Variants in VWC2 observed in about 807,000 individuals in gnomAD.
The protein encoded by VWC2 is brorin.
A neutral mutation model predicts 29.8 loss-of-function variants in VWC2; 14 were observed. The ratio of observed to expected loss-of-function variants is 0.47; its 90% CI spans 0.31 to 0.74. The LOEUF (loss-of-function observed/expected upper bound fraction) is 0.74, where lower values mean the gene tolerates loss of function less well. VWC2 is among the 30% of genes least tolerant of loss of function. The pLI, the probability that VWC2 is intolerant of heterozygous loss-of-function variation, is 0.05. For synonymous variants in VWC2, 213 were observed against 199.0 expected (o/e 1.07, Z -0.59); for missense variants, 457 against 459.8 (o/e 0.99, Z 0.05).
At position 49,915,118 on chromosome 7, in the gene VWC2, T is replaced by C. The variant is rs1464307445; in HGVS notation, c.*2933T>C. Reference sequence around the variant, plus strand: ...CAAGTTAAATTCATTCTTTCAGTGATAGGATATTTACTTGTTGGGTGGATT... The same window carrying C: ...CAAGTTAAATTCATTCTTTCAGTGACAGGATATTTACTTGTTGGGTGGATT... On this transcript the variant is annotated 3_prime_UTR_variant, in exon 4 of 4. Transcript: ENST00000340652. The C allele has an allele frequency of 1.3e-5, 2 of 152,236 alleles. No individual in the cohort carries two copies. The highest frequency in any genetic ancestry group is 2.9e-5 in the Non-Finnish European group (2 of 68,040). 9.4% of individuals were successfully genotyped at this position (152,236 alleles called of 1,614,324 possible).
intron 3 of VWC2, among the ~76,000 whole-genome samples, chr7:49,824,386 C>G (rs1423834819): frequency 1.3e-5 from 2 of 152,174 alleles, no homozygotes; most frequent in African/African-American, 4.8e-5. Context: ...ATCAATTCAC[C>G]ATATGTGGGG....
At chr7:49,786,843 TTGC>T (rs1788311622) in intron 2 of VWC2, among the ~76,000 whole-genome samples, 1 of 152,234 alleles carries the variant, frequency 6.6e-6, no homozygotes, top group Non-Finnish European at 1.5e-5. Context: ...TGTTATTTGT[TTGC>T]TGATTTGTTT....
intron 3 of VWC2, among the ~76,000 whole-genome samples, chr7:49,861,721 G>A (rs559659673): frequency 6.6e-6 from 1 of 152,174 alleles, no homozygotes; most frequent in Non-Finnish European, 1.5e-5. Flanking sequence ...TGGCTTTCTA[G>A]TTGTCCCAGC....
chr7:49,824,646 C>G (rs1789350696), intron 3 of VWC2, among the ~76,000 whole-genome samples: 1 of 152,114 alleles, frequency 6.6e-6, no homozygotes, highest in Admixed American at 6.5e-5. Flanking sequence ...TTTGGAAAAA[C>G]AGACATCTTA....
At chr7:49,840,848 T>C (rs566382) in intron 3 of VWC2, among the ~76,000 whole-genome samples, 134,348 of 152,112 alleles carry the variant, frequency 0.88, 59,726 homozygotes, top group East Asian at 0.94. Context: ...TCTCCATCCT[T>C]TCTCTGACCC....
chr7:49,775,338 G>A lies in VWC2; in HGVS notation c.-98G>A. 1.0e-6 allele frequency: 1 copy of A among 989,658 alleles called. No homozygotes were observed. Among genetic ancestry groups the A allele is most frequent in the African/African-American group, 1.7e-5 (1 of 58,404 alleles). 61.3% of individuals were successfully genotyped at this position (989,658 alleles called of 1,614,324 possible). Reference sequence around the variant, plus strand: ...TGCTGCTGTTCTCTCCGCAGGGACGGCGGCTCCCGGCTGGCGGCGGCGCGC... The same window carrying A: ...TGCTGCTGTTCTCTCCGCAGGGACGACGGCTCCCGGCTGGCGGCGGCGCGC... On this transcript the variant is annotated 5_prime_UTR_variant, in exon 2 of 4. Coordinates refer to ENST00000340652, the MANE Select transcript of VWC2 (RefSeq NM_198570.5).
chr7:49,776,970 C>A (rs1788068304), intron 2 of VWC2, among the ~76,000 whole-genome samples: 1 of 152,174 alleles, frequency 6.6e-6, no homozygotes. Context: ...GGTTTTTAAC[C>A]CTTATACTCT....
At chr7:49,852,571 G>T (rs929024216) in intron 3 of VWC2, among the ~76,000 whole-genome samples, 5 of 151,898 alleles carry the variant, frequency 3.3e-5, no homozygotes, top group Admixed American at 2.0e-4. Context: ...CTATTTAGTG[G>T]TTTTTCCTGT....
chr7:49,807,603 A>G (rs1199342287), intron 3 of VWC2, among the ~76,000 whole-genome samples: 1 of 152,188 alleles, frequency 6.6e-6, no homozygotes, highest in African/African-American at 2.4e-5. Flanking sequence ...CATGATTGCT[A>G]CCTCACATTT....
chr7:49,829,896 C>A (rs572510430), intron 3 of VWC2, among the ~76,000 whole-genome samples: 43 of 152,340 alleles, frequency 2.8e-4, no homozygotes, highest in African/African-American at 1.0e-3. Context: ...TTATCTGCTA[C>A]CTGGAAGCAG....
intron 3 of VWC2, among the ~76,000 whole-genome samples, chr7:49,900,516 AT>A (rs1311333235): frequency 1.3e-5 from 2 of 151,812 alleles, no homozygotes; most frequent in Admixed American, 6.6e-5. Flanking sequence ...TAATAAAAAA[AT>A]ACTACAAACA....
chr7:49,782,330 C>A (rs1290640606), intron 2 of VWC2, among the ~76,000 whole-genome samples: 1 of 152,064 alleles, frequency 6.6e-6, no homozygotes, highest in Non-Finnish European at 1.5e-5. Flanking sequence ...AAATTAGTGC[C>A]CCCTCCAAAA....
intron 3 of VWC2, among the ~76,000 whole-genome samples, chr7:49,843,000 G>T (rs1789834590): frequency 6.6e-6 from 1 of 152,104 alleles, no homozygotes; most frequent in Non-Finnish European, 1.5e-5. Flanking sequence ...CTCATAGTGA[G>T]CTCATGAACT....
chr7:49,884,842 G>A (rs1791827133), intron 3 of VWC2, among the ~76,000 whole-genome samples: 2 of 152,054 alleles, frequency 1.3e-5, no homozygotes, highest in Admixed American at 1.3e-4. Flanking sequence ...GACGTCAATA[G>A]TTAATCAAAA....
chr7:49,868,810 G>C (rs1257535515), intron 3 of VWC2, among the ~76,000 whole-genome samples: 2 of 152,124 alleles, frequency 1.3e-5, no homozygotes, highest in Non-Finnish European at 2.9e-5. Context: ...GTAGAGACAA[G>C]GTTTCACCAT....
chr7:49,792,411 G>T (rs1237941821), intron 2 of VWC2, among the ~76,000 whole-genome samples: 1 of 152,204 alleles, frequency 6.6e-6, no homozygotes, highest in Non-Finnish European at 1.5e-5. Flanking sequence ...CATTTACGCT[G>T]CACTAGACAC....
chr7:49,809,009 A>C (rs980057078), intron 3 of VWC2, among the ~76,000 whole-genome samples: 1 of 152,010 alleles, frequency 6.6e-6, no homozygotes, highest in African/African-American at 2.4e-5. Context: ...AAAAGCATGC[A>C]GAAGGAACTC....
chr7:49,858,395 G>A (rs1790510892), intron 3 of VWC2, among the ~76,000 whole-genome samples: 1 of 152,104 alleles, frequency 6.6e-6, no homozygotes, highest in Non-Finnish European at 1.5e-5. Context: ...ATGAGTTCAT[G>A]TCCTTTGTAG....
rs1231812778 is a variant in VWC2, at chr7:49,842,817, A to C, written c.826+39977A>C. On this transcript the variant is annotated intron_variant, in intron 3 of 3. Coordinates refer to ENST00000340652, the MANE Select transcript of VWC2 (RefSeq NM_198570.5). Reference sequence around the variant, plus strand: ...TCTAGAAGGTGGCCAGATTCTGTAGAAAAGAAGTGTGTTTACTCATGCTTT... The same window carrying C: ...TCTAGAAGGTGGCCAGATTCTGTAGCAAAGAAGTGTGTTTACTCATGCTTT... Among the ~76,000 whole-genome samples, 5 of 152,254 alleles carry C rather than the reference A, an allele frequency of 3.3e-5. No homozygotes were observed. In the South Asian group the frequency reaches 8.3e-4, roughly 25 times the overall value.
Sources: gnomAD v4.1 joint callset for allele counts (sites outside exome capture counted in the v4.1 genomes callset) on GRCh38, gnomAD v4.1.1 for gene constraint, MANE v1.5 for transcripts, NCBI Gene and HGNC (gene_info 2026-07-23, HGNC 2026-07-21) for gene names.